The following MAS1 variants were observed in gnomAD, a reference collection of about 807,000 sequenced individuals.
The protein encoded by MAS1 is MAS1 proto-oncogene, G protein-coupled receptor.
For synonymous variants in MAS1, 163 were observed against 164.2 expected (o/e 0.99, Z 0.05); for missense variants, 387 against 409.7 (o/e 0.94, Z 0.48).
upstream of MAS1, among the ~76,000 whole-genome samples, chr6:159,889,938 A>G (rs1376231228): frequency 1.3e-5 from 2 of 152,164 alleles, no homozygotes; most frequent in Non-Finnish European, 2.9e-5. Context: ...GGGGAACTTC[A>G]TCTGTGGGTT....
At chr6:159,901,347 C>G (rs1352678741) in intron 2 of MAS1, among the ~76,000 whole-genome samples, 2 of 152,194 alleles carry the variant, frequency 1.3e-5, no homozygotes, top group Non-Finnish European at 2.9e-5. Flanking sequence ...CACAGTGGCT[C>G]TCACCTGTAA....
At chr6:159,895,269 A>C (rs1391892729) in intron 1 of MAS1, among the ~76,000 whole-genome samples, 1 of 152,136 alleles carries the variant, frequency 6.6e-6, no homozygotes, top group Non-Finnish European at 1.5e-5. Context: ...TTTGTTACTA[A>C]GTATGTAACC....
intron 2 of MAS1, among the ~76,000 whole-genome samples, chr6:159,905,004 A>C (rs1024656957): frequency 1.1e-4 from 16 of 152,024 alleles, no homozygotes; most frequent in African/African-American, 3.4e-4. Context: ...TTCCCATCAC[A>C]CTATGGACGA....
upstream of MAS1, among the ~76,000 whole-genome samples, chr6:159,889,040 C>A (rs181929499): frequency 1.3e-5 from 2 of 152,166 alleles, no homozygotes; most frequent in Admixed American, 1.3e-4. Context: ...TGGGGCCTTC[C>A]GCCACCCACT....
chr6:159,890,199 T>C (rs1247138217), upstream of MAS1, among the ~76,000 whole-genome samples: 1 of 152,170 alleles, frequency 6.6e-6, no homozygotes, highest in Non-Finnish European at 1.5e-5. Flanking sequence ...GGGTAACATA[T>C]TGGCCATTTT....
At chr6:159,892,242 A>G (rs1380977065) in intron 1 of MAS1, among the ~76,000 whole-genome samples, 1 of 152,116 alleles carries the variant, frequency 6.6e-6, no homozygotes, top group African/African-American at 2.4e-5. Flanking sequence ...CCTGCCATGG[A>G]AATTCCATCT....
rs1487517195 is a variant in MAS1 at position 159,907,668 on chromosome 6, T to C, written c.713T>C (p.Leu238Pro). The change falls in exon 3 of 3, where the codon CTC (leucine) becomes CCC (proline). Residue 238 changes from leucine to proline, a missense_variant. Physicochemically the swap from Leu to Pro is moderately conservative, Grantham distance 98 (BLOSUM62 -3). Coordinates refer to ENST00000674077, the MANE Select transcript of MAS1 (RefSeq NM_002377.4). ...IVIMVTIIIF[L>P]IFAMPMRLLY... Reference sequence around the variant, plus strand: ...ATCATGGTCACCATCATTATATTCCTCATCTTCGCTATGCCCATGAGACTC... The same window carrying C: ...ATCATGGTCACCATCATTATATTCCCCATCTTCGCTATGCCCATGAGACTC... The C allele has an allele frequency of 6.2e-7, 1 of 1,613,862 alleles. No homozygotes were observed. Among genetic ancestry groups the C allele is most frequent in the Admixed American group, 1.7e-5 (1 of 59,936 alleles).
Position 159,907,352 on chromosome 6 carries a change from T to A in MAS1, c.397T>A (p.Ser133Thr), listed in dbSNP as rs1284994352. The change falls in exon 3 of 3, where the codon TCA becomes ACA. Residue 133 changes from serine to threonine, a missense_variant. Transcript: ENST00000674077. ...GGCCATTAGTGTGGAGAGGTGCCTG[T>A]CAGTCCTTTACCCCATCTGGTACCG... ...LTAISVERCL[S>T]VLYPIWYRCH... The A allele has an allele frequency of 6.2e-7, 1 of 1,614,194 alleles. No homozygotes were observed. Among genetic ancestry groups the A allele is most frequent in the South Asian group, 1.1e-5 (1 of 91,080 alleles).
rs1007803275 is a variant in MAS1, at chr6:159,907,282, A to G, written c.327A>G (p.Ser109=). ...ATTACTACACAATTGTCACATTATC[A>G]GTGACTTTTCTGTTTGGCTACAACA... ...SGHYYTIVTL[S]VTFLFGYNTG... The change falls in exon 3 of 3, where the codon TCA becomes TCG. Residue 109 remains serine (S), a synonymous_variant. Transcript: ENST00000674077. 6.2e-7 allele frequency: 1 copy of G among 1,614,170 alleles called. No homozygotes were observed.
chr6:159,907,085 C>G lies in MAS1; in HGVS notation c.130C>G (p.Pro44Ala). 1 of 1,614,182 alleles carries G rather than the reference C, an allele frequency of 6.2e-7. No homozygotes were observed. The highest frequency in any genetic ancestry group is 8.5e-7 in the Non-Finnish European group (1 of 1,180,022). The change falls in exon 3 of 3, where the codon CCA becomes GCA. Residue 44 changes from proline (P) to alanine (A), a missense_variant. Pro to Ala is a conservative substitution (Grantham distance 27). Coordinates refer to ENST00000674077, the MANE Select transcript of MAS1 (RefSeq NM_002377.4). ...GCACTGGGTCATTATGAGCATCTCCCCAGTGGGGTTTGTTGAGAATGGGAT... is the reference window on the plus strand; with the variant it reads ...GCACTGGGTCATTATGAGCATCTCCGCAGTGGGGTTTGTTGAGAATGGGAT... ...IVHWVIMSIS[P>A]VGFVENGILL... is the part of the protein sequence containing the mutation.
At chr6:159,901,271 T>C (rs1298816584) in intron 2 of MAS1, among the ~76,000 whole-genome samples, 1 of 152,150 alleles carries the variant, frequency 6.6e-6, no homozygotes, top group Non-Finnish European at 1.5e-5. Context: ...AACATATGAA[T>C]TTTGGAAAGG....
upstream of MAS1, among the ~76,000 whole-genome samples, chr6:159,890,798 TG>T (rs1348913463): frequency 6.6e-6 from 1 of 152,244 alleles, no homozygotes; most frequent in Non-Finnish European, 1.5e-5. Context: ...TCTTTAGCCC[TG>T]GCTGGCCTTA....
At chr6:159,903,791 C>T (rs1474304567) in intron 2 of MAS1, among the ~76,000 whole-genome samples, 1 of 152,134 alleles carries the variant, frequency 6.6e-6, no homozygotes, top group Non-Finnish European at 1.5e-5. Flanking sequence ...TGCTTTCTAT[C>T]CATGTATAAT....
chr6:159,897,095 C>T (rs964427147), intron 1 of MAS1, among the ~76,000 whole-genome samples: 12 of 152,004 alleles, frequency 7.9e-5, no homozygotes, highest in African/African-American at 1.9e-4. Flanking sequence ...AGGATGGTCT[C>T]GATCTCCTGA....
chr6:159,895,082 A>G (rs1782740165), intron 1 of MAS1, among the ~76,000 whole-genome samples: 1 of 152,234 alleles, frequency 6.6e-6, no homozygotes, highest in Non-Finnish European at 1.5e-5. Flanking sequence ...TTCTGGCGAC[A>G]TAAAAGCCGT....
chr6:159,894,491 C>T (rs1295202999), intron 1 of MAS1, among the ~76,000 whole-genome samples: 2 of 151,202 alleles, frequency 1.3e-5, no homozygotes, highest in Non-Finnish European at 2.9e-5. Context: ...AAGAAGAGAT[C>T]CAGCGAAGGA....
upstream of MAS1, among the ~76,000 whole-genome samples, chr6:159,890,753 G>T (rs1315722045): frequency 2.0e-5 from 3 of 152,200 alleles, no homozygotes; most frequent in Non-Finnish European, 4.4e-5. Context: ...ATGCGGTTTT[G>T]CCCTTCCATG....
At chr6:159,900,633 C>T (rs946326060) in intron 2 of MAS1, among the ~76,000 whole-genome samples, 4 of 152,076 alleles carry the variant, frequency 2.6e-5, no homozygotes, top group Admixed American at 1.3e-4. Context: ...GACTAAAATC[C>T]GCATCATGAT....
chr6:159,902,823 CCA>C (rs1485930990), intron 2 of MAS1, among the ~76,000 whole-genome samples: 5 of 152,240 alleles, frequency 3.3e-5, no homozygotes, highest in African/African-American at 1.2e-4. Context: ...GGCTGCTGTC[CCA>C]AATTCCTTGA....
Sources: gnomAD v4.1 joint callset for allele counts (sites outside exome capture counted in the v4.1 genomes callset) on GRCh38, gnomAD v4.1.1 for gene constraint, MANE v1.5 for transcripts, NCBI Gene and HGNC (gene_info 2026-07-23, HGNC 2026-07-21) for gene names.